OR3A2: variants seen among roughly 807,000 people sequenced by gnomAD.
OR3A2 encodes the protein olfactory receptor 3A2.
For missense variants in OR3A2, 318 were observed against 392.8 expected (o/e 0.81, Z 1.61); for synonymous variants, 126 against 159.3 (o/e 0.79, Z 1.57).
chr17:3,324,629 GA>G (rs918230865), intron 3 of OR3A2, among the ~76,000 whole-genome samples: 3 of 152,130 alleles, frequency 2.0e-5, no homozygotes, highest in African/African-American at 7.2e-5. Flanking sequence ...GTCCACTCCA[GA>G]CCCTGTTTGC....
intron 2 of OR3A2, among the ~76,000 whole-genome samples, chr17:3,368,884 C>T (rs752382898): frequency 6.6e-5 from 10 of 152,112 alleles, no homozygotes; most frequent in South Asian, 2.1e-4. Flanking sequence ...GATATGTTTC[C>T]GTTTCTTTGT....
intron 2 of OR3A2, among the ~76,000 whole-genome samples, chr17:3,369,342 T>C (rs1413744779): frequency 6.6e-6 from 1 of 152,214 alleles, no homozygotes; most frequent in East Asian, 1.9e-4. Flanking sequence ...CTTTCAACTT[T>C]TCCCGTTCAG....
rs545477072 is a variant in OR3A2 at position 3,321,550 on chromosome 17, T to A, written c.-85+14483A>T. On this transcript the variant is annotated intron_variant, in intron 3 of 4. Coordinates refer to the OR3A2 transcript ENST00000573491. ...ATAGCTCTTATTATTTTGAGATACA[T>A]CCTATCAATACCTAATTTATTGAGA... Among the ~76,000 whole-genome samples, 47 of 152,284 alleles carry A rather than the reference T, an allele frequency of 3.1e-4. 1 individual carries two copies. Among genetic ancestry groups the A allele is most frequent in the African/African-American group, 1.0e-3 (42 of 41,540 alleles).
chr17:3,343,910 T>G (rs1336718777), intron 2 of OR3A2, among the ~76,000 whole-genome samples: 1 of 152,144 alleles, frequency 6.6e-6, no homozygotes, highest in Non-Finnish European at 1.5e-5. Context: ...CAACCAACAC[T>G]TGAAATGCTG....
At chr17:3,328,920 A>G (rs557091978) in intron 3 of OR3A2, among the ~76,000 whole-genome samples, 2 of 151,068 alleles carry the variant, frequency 1.3e-5, no homozygotes, top group South Asian at 4.3e-4. Flanking sequence ...TTTAGCATGA[A>G]GTGTTGTTGA....
intron 2 of OR3A2, among the ~76,000 whole-genome samples, chr17:3,373,733 G>T (rs1244940154): frequency 1.3e-5 from 2 of 152,038 alleles, no homozygotes; most frequent in Non-Finnish European, 2.9e-5. Context: ...TTTTTTGGTG[G>T]ATTTTTATTC....
chr17:3,375,905 T>C (rs2049678972), intron 2 of OR3A2, among the ~76,000 whole-genome samples: 1 of 152,200 alleles, frequency 6.6e-6, no homozygotes, highest in African/African-American at 2.4e-5. Flanking sequence ...TACTGGGCTC[T>C]GGGCTGGTGC....
chr17:3,385,010 G>T (rs1296716926), intron 1 of OR3A2, among the ~76,000 whole-genome samples: 1 of 151,754 alleles, frequency 6.6e-6, no homozygotes, highest in East Asian at 2.0e-4. Flanking sequence ...TGACCAACAT[G>T]GAGAAACCCG....
At chr17:3,364,881 TAC>T (rs1300303689) in intron 2 of OR3A2, among the ~76,000 whole-genome samples, 1 of 150,806 alleles carries the variant, frequency 6.6e-6, no homozygotes, top group African/African-American at 2.4e-5. Flanking sequence ...GCATTTTAAA[TAC>T]TTAGCAATAA....
chr17:3,303,568 C>T (rs886311491), intron 3 of OR3A2, among the ~76,000 whole-genome samples: 5 of 151,574 alleles, frequency 3.3e-5, no homozygotes, highest in Non-Finnish European at 7.4e-5. Context: ...GGTGAAACCC[C>T]GTCTCTACTA....
At position 3,367,601 on chromosome 17, in the gene OR3A2, G is replaced by GTATATATATTATATATA. The variant is rs1555530076; in HGVS notation, c.-179+16202_-179+16203insTATATATAATATATATA. On this transcript the variant is annotated intron_variant, in intron 2 of 4. Transcript: ENST00000573491. ...TGTATATGTATATGTGTGTGTGTGT[G>GTATATATATTATATATA]TATATATATATATATATATATGCCA... Among the ~76,000 whole-genome samples, 24 of 122,512 alleles carry GTATATATATTATATATA rather than the reference G, an allele frequency of 2.0e-4. 3 individuals are homozygous for GTATATATATTATATATA. Among genetic ancestry groups the GTATATATATTATATATA allele is most frequent in the African/African-American group, 4.3e-4 (12 of 27,984 alleles). The allele number at this position is 122,512 out of a possible 152,430, so 80.4% of individuals were successfully genotyped here.
chr17:3,326,433 G>A (rs1032712917), intron 3 of OR3A2, among the ~76,000 whole-genome samples: 1 of 152,044 alleles, frequency 6.6e-6, no homozygotes, highest in Non-Finnish European at 1.5e-5. Flanking sequence ...ACCCCAAATG[G>A]AGGGACCGGC....
At chr17:3,384,339 T>C (rs2049762014) in intron 1 of OR3A2, among the ~76,000 whole-genome samples, 1 of 152,230 alleles carries the variant, frequency 6.6e-6, no homozygotes, top group African/African-American at 2.4e-5. Flanking sequence ...CCAGTTGATT[T>C]TGTGCACTGA....
intron 1 of OR3A2, among the ~76,000 whole-genome samples, chr17:3,284,147 C>A (rs2150618035): frequency 6.7e-6 from 1 of 148,864 alleles, no homozygotes. Context: ...TCCTCACACT[C>A]ATGCTAACAG....
At chr17:3,321,893 A>G (rs1435499308) in intron 3 of OR3A2, among the ~76,000 whole-genome samples, 2 of 152,162 alleles carry the variant, frequency 1.3e-5, no homozygotes, top group South Asian at 2.1e-4. Context: ...TGCTGGCCTC[A>G]TCAAATGAAT....
chr17:3,326,721 A>G (rs2049178266), intron 3 of OR3A2, among the ~76,000 whole-genome samples: 1 of 96,304 alleles, frequency 1.0e-5, no homozygotes, highest in South Asian at 4.1e-4. Flanking sequence ...ACTCCACCAC[A>G]GTCCCCACAG....
intron 2 of OR3A2, among the ~76,000 whole-genome samples, chr17:3,362,442 T>C (rs976925636): frequency 2.0e-5 from 3 of 151,768 alleles, no homozygotes; most frequent in Non-Finnish European, 4.4e-5. Context: ...ATCTTAGTTA[T>C]TTCTTGCCTT....
chr17:3,352,814 T>C (rs955266287), intron 2 of OR3A2, among the ~76,000 whole-genome samples: 18 of 152,154 alleles, frequency 1.2e-4, no homozygotes, highest in Non-Finnish European at 1.9e-4. Flanking sequence ...AAGGATTGCA[T>C]TGAATCTGTA....
intron 2 of OR3A2, among the ~76,000 whole-genome samples, chr17:3,337,642 A>T (rs7209534): frequency 0.15 from 23,160 of 152,018 alleles, 2,357 homozygotes; most frequent in African/African-American, 0.29. Context: ...CCATGGTGTA[A>T]ATGTGCCACA....
Sources: gnomAD v4.1 joint callset for allele counts (sites outside exome capture counted in the v4.1 genomes callset) on GRCh38, gnomAD v4.1.1 for gene constraint, MANE v1.5 for transcripts, NCBI Gene and HGNC (gene_info 2026-07-23, HGNC 2026-07-21) for gene names.